Variants in ATXN1 observed in about 807,000 individuals in gnomAD.
The protein encoded by ATXN1 is ataxin-1.
Under a neutral mutation model 56.4 loss-of-function variants are expected in ATXN1, and 8 were observed. The ratio of observed to expected loss-of-function variants is 0.14; its 90% confidence interval spans 0.08 to 0.26. ATXN1 has a LOEUF of 0.26. ATXN1 is among the 10% of genes least tolerant of loss of function. ATXN1 has a pLI of 1.00. For synonymous variants in ATXN1, 514 were observed against 494.6 expected, an observed-to-expected ratio of 1.04 and a Z score of -0.52; for missense variants, 987 against 1,106.5, an observed-to-expected ratio of 0.89 and a Z score of 1.53.
intron 3 of ATXN1, among the ~76,000 whole-genome samples, chr6:16,608,355 C>A (rs1191342759): frequency 6.6e-6 from 1 of 152,246 alleles, no homozygotes; most frequent in Non-Finnish European, 1.5e-5. Flanking sequence ...CTTCTGGGTT[C>A]ATTAAGCCTA....
At chr6:16,518,512 T>C (rs1761228293) in intron 5 of ATXN1, among the ~76,000 whole-genome samples, 1 of 152,100 alleles carries the variant, frequency 6.6e-6, no homozygotes, top group Admixed American at 6.5e-5. Context: ...TCAAGTTAGC[T>C]CATTGCCCTC....
At chr6:16,542,490 G>A (rs777234599) in intron 4 of ATXN1, among the ~76,000 whole-genome samples, 10 of 152,090 alleles carry the variant, frequency 6.6e-5, no homozygotes, top group Admixed American at 4.6e-4. Context: ...TCCCTGGCTC[G>A]TCCCAAGGAT....
chr6:16,381,939 T>G (rs997514547), intron 6 of ATXN1, among the ~76,000 whole-genome samples: 4 of 152,244 alleles, frequency 2.6e-5, no homozygotes, highest in Non-Finnish European at 5.9e-5. Context: ...TTTATAGATT[T>G]AGACATGGAG....
chr6:16,412,868 GGA>G (rs1426027198), intron 6 of ATXN1, among the ~76,000 whole-genome samples: 2 of 152,224 alleles, frequency 1.3e-5, no homozygotes, highest in Non-Finnish European at 2.9e-5. Context: ...ACTGCCTTGG[GGA>G]GAGAGTTTGC....
chr6:16,603,230 T>A (rs1488824507), intron 3 of ATXN1, among the ~76,000 whole-genome samples: 4 of 152,144 alleles, frequency 2.6e-5, no homozygotes, highest in Non-Finnish European at 5.9e-5. Flanking sequence ...AGGTCTGAGG[T>A]TAGCCCATTT....
rs1048309283 is a variant in ATXN1, at chr6:16,301,147, CACTG to C, written c.*5178_*5181del. ...TTTCAACAGAGCCATATCTTTCAAACACTGAATGAATCATTTCGACATTCATTTT... is the reference window on the plus strand; with the variant it reads ...TTTCAACAGAGCCATATCTTTCAAACAATGAATCATTTCGACATTCATTTT... On this transcript the variant is annotated 3_prime_UTR_variant, in exon 8 of 8. Coordinates refer to ENST00000436367, the MANE Select transcript of ATXN1 (RefSeq NM_001128164.2). 2 of 150,336 alleles carry C rather than the reference CACTG, an allele frequency of 1.3e-5. No individual in the cohort carries two copies. Among genetic ancestry groups the C allele is most frequent in the African/African-American group, 4.9e-5 (2 of 40,718 alleles). 9.3% of individuals were successfully genotyped at this position (150,336 alleles called of 1,614,324 possible).
intron 7 of ATXN1, among the ~76,000 whole-genome samples, chr6:16,317,686 G>A (rs113006530): frequency 0.02 from 3,067 of 151,996 alleles, 87 homozygotes; most frequent in African/African-American, 0.068. Flanking sequence ...ATGCCCTGTC[G>A]CCAGCACCTC....
intron 6 of ATXN1, among the ~76,000 whole-genome samples, chr6:16,378,085 A>G (rs552959442): frequency 2.0e-5 from 3 of 152,256 alleles, no homozygotes; most frequent in Admixed American, 2.0e-4. Context: ...GGCCCACCAC[A>G]ACCTGTGTGC....
At chr6:16,451,727 C>T (rs369067852) in intron 6 of ATXN1, among the ~76,000 whole-genome samples, 104 of 149,928 alleles carry the variant, frequency 6.9e-4, no homozygotes, top group East Asian at 1.4e-3. Flanking sequence ...TGCTCTCCAG[C>T]GTGGGCAACA....
chr6:16,410,871 T>C lies in ATXN1; in HGVS notation c.-161+75101A>G, dbSNP rs543118251. Reference sequence around the variant, plus strand: ...CAGGCACAGTGGCTCACGCCTGTAATCCCAGCTCTTTGGGAGGCCAATGCA... The same window carrying C: ...CAGGCACAGTGGCTCACGCCTGTAACCCCAGCTCTTTGGGAGGCCAATGCA... On this transcript the variant is annotated intron_variant, in intron 6 of 7. Transcript: ENST00000436367. The surrounding 1 kb of genome is among the most constrained non-coding windows in gnomAD (Gnocchi z 4.6). Among the ~76,000 whole-genome samples, 1 of 152,214 alleles carries C rather than the reference T, an allele frequency of 6.6e-6. No homozygotes were observed. The highest frequency in any genetic ancestry group is 1.9e-4 in the East Asian group (1 of 5,180).
intron 6 of ATXN1, among the ~76,000 whole-genome samples, chr6:16,466,651 T>C (rs986037307): frequency 1.3e-5 from 2 of 152,160 alleles, no homozygotes; most frequent in Non-Finnish European, 2.9e-5. Flanking sequence ...TTCGGAAAAG[T>C]AGATCAAGCA....
rs1193155370 is a variant in ATXN1 at position 16,492,385 on chromosome 6, T to A, written c.-298-6276A>T. 2.6e-5 allele frequency among the ~76,000 whole-genome samples: 4 copies of A among 151,776 alleles called. No homozygotes were observed. The East Asian group carries it at 5.8e-4, about 22-fold the overall frequency. On this transcript the variant is annotated intron_variant, in intron 5 of 7. Coordinates refer to ENST00000436367, the MANE Select transcript of ATXN1 (RefSeq NM_001128164.2). The stretch of plus-strand genomic sequence containing the variant: ...CACATGTATACATATGTAACTAACC[T>A]GCACATTGTGCACATGTACCCTAAA...
At position 16,611,727 on chromosome 6, in the gene ATXN1, G is replaced by A. The variant is rs573245020; in HGVS notation, c.-488-25820C>T. On this transcript the variant is annotated intron_variant, in intron 3 of 7. Coordinates refer to ENST00000436367, the MANE Select transcript of ATXN1 (RefSeq NM_001128164.2). ...CATTCCAAAGAATTAAGTCAAAATT[G>A]TATGTGTCAAGATAGTAGAGCATGG... is the stretch of plus-strand genomic sequence containing the variant. Among the ~76,000 whole-genome samples the A allele has an allele frequency of 1.2e-3, 183 of 151,932 alleles. 1 individual carries two copies. The highest frequency in any genetic ancestry group is 4.3e-3 in the African/African-American group (180 of 41,422).
At chr6:16,537,680 T>C (rs982913905) in intron 4 of ATXN1, among the ~76,000 whole-genome samples, 1 of 148,038 alleles carries the variant, frequency 6.8e-6, no homozygotes, top group East Asian at 2.0e-4. Flanking sequence ...CACTCCAGTC[T>C]GGGCAACAAG....
At chr6:16,459,967 G>A (rs541192886) in intron 6 of ATXN1, among the ~76,000 whole-genome samples, 1 of 152,202 alleles carries the variant, frequency 6.6e-6, no homozygotes, top group Non-Finnish European at 1.5e-5. Context: ...ATCCTAGCCA[G>A]AGGAACCAGG....
chr6:16,412,108 C>T (rs1025362324), intron 6 of ATXN1, among the ~76,000 whole-genome samples: 4 of 152,080 alleles, frequency 2.6e-5, no homozygotes, highest in African/African-American at 4.8e-5. Context: ...GAGGTTGTAA[C>T]GGATGAAATT....
intron 6 of ATXN1, among the ~76,000 whole-genome samples, chr6:16,458,331 C>A (rs920982865): frequency 2.0e-5 from 3 of 152,114 alleles, no homozygotes; most frequent in African/African-American, 7.2e-5. Context: ...ATGATGTCCA[C>A]CATAACTCAG....
intron 6 of ATXN1, among the ~76,000 whole-genome samples, chr6:16,475,002 C>T (rs1372207826): frequency 1.3e-5 from 2 of 152,052 alleles, no homozygotes; most frequent in Non-Finnish European, 2.9e-5. Context: ...ACACGGTAAC[C>T]ACATCAAAAT....
intron 6 of ATXN1, among the ~76,000 whole-genome samples, chr6:16,345,952 A>AT (rs1254616469): frequency 6.6e-6 from 1 of 152,158 alleles, no homozygotes; most frequent in African/African-American, 2.4e-5. Flanking sequence ...TATTCATTCA[A>AT]TAAAAAAAAA....
Sources: gnomAD v4.1 joint callset for allele counts (sites outside exome capture counted in the v4.1 genomes callset) on GRCh38, gnomAD v4.1.1 for gene constraint, Gnocchi (gnomAD v3.1) non-coding constraint, MANE v1.5 for transcripts, NCBI Gene and HGNC (gene_info 2026-07-23, HGNC 2026-07-21) for gene names.